Variants in SLC4A4 observed in about 807,000 individuals in gnomAD.
The protein encoded by SLC4A4 is solute carrier family 4 member 4.
SLC4A4 carries 27 observed loss-of-function variants against 111.5 expected under a neutral mutation model. The observed-to-expected ratio is 0.24, with a 90% CI of 0.18 to 0.33. The LOEUF is 0.33. Ranked by LOEUF, SLC4A4 falls within the 10% of genes least tolerant of loss-of-function variation. The probability of loss-of-function intolerance (pLI) is 1.00; values close to 1 mark genes in which losing one functional copy is unlikely to be tolerated. For missense variants in SLC4A4, 909 were observed against 1,315.5 expected (o/e 0.69, Z 4.78); for synonymous variants, 443 against 463.4 (o/e 0.96, Z 0.57).
intron 3 of SLC4A4, among the ~76,000 whole-genome samples, chr4:71,302,063 G>T (rs1272233153): frequency 6.6e-6 from 1 of 152,158 alleles, no homozygotes. Context: ...TGCAAGATAG[G>T]AAGGGCATTG....
At chr4:71,567,702 T>G (rs1737614128) in intron 25 of SLC4A4, 86 bp from the exon 26 acceptor site, 2 of 614,292 alleles carry the variant, frequency 3.3e-6, no homozygotes, top group Admixed American at 3.5e-5. Flanking sequence ...AAGGACACAT[T>G]TGACTTCTAT....
intron 7 of SLC4A4, among the ~76,000 whole-genome samples, chr4:71,402,479 CACTG>C (rs1223511819): frequency 2.0e-5 from 3 of 152,174 alleles, no homozygotes; most frequent in Non-Finnish European, 2.9e-5. Context: ...CTACAGTTCA[CACTG>C]AATGTGGGTG....
At chr4:71,415,763 C>T (rs950974984) in intron 7 of SLC4A4, among the ~76,000 whole-genome samples, 4 of 152,128 alleles carry the variant, frequency 2.6e-5, no homozygotes, top group Non-Finnish European at 5.9e-5. Flanking sequence ...GAGTCTTATA[C>T]ATTCTGCCTT....
intron 2 of SLC4A4, among the ~76,000 whole-genome samples, chr4:71,145,428 C>A (rs186734441): frequency 6.6e-6 from 1 of 152,174 alleles, no homozygotes; most frequent in African/African-American, 2.4e-5. Context: ...TGTGTCTCTG[C>A]CAGGCTTTGG....
At chr4:71,228,880 T>C (rs1274966537) in intron 1 of SLC4A4, among the ~76,000 whole-genome samples, 2 of 152,242 alleles carry the variant, frequency 1.3e-5, no homozygotes, top group Non-Finnish European at 1.5e-5. Context: ...TTGGCACTGA[T>C]ACAATTCACC....
intron 3 of SLC4A4, among the ~76,000 whole-genome samples, chr4:71,308,447 G>C (rs1725864564): frequency 6.6e-6 from 1 of 152,168 alleles, no homozygotes. Context: ...TGGCCAAATA[G>C]GAAGAGCTCC....
At chr4:71,127,494 A>C (rs1025567762) in intron 2 of SLC4A4, among the ~76,000 whole-genome samples, 1 of 152,196 alleles carries the variant, frequency 6.6e-6, no homozygotes, top group African/African-American at 2.4e-5. Context: ...AAAATCAACT[A>C]TTGAATTAAA....
chr4:71,337,638 A>G (rs1461782410), intron 3 of SLC4A4, among the ~76,000 whole-genome samples: 2 of 152,254 alleles, frequency 1.3e-5, no homozygotes, highest in Non-Finnish European at 2.9e-5. Flanking sequence ...CTCACAGGAT[A>G]TATACACTAT....
chr4:71,484,148 A>AT (rs1729148266), intron 14 of SLC4A4, among the ~76,000 whole-genome samples: 1 of 151,294 alleles, frequency 6.6e-6, no homozygotes, highest in Non-Finnish European at 1.5e-5. Flanking sequence ...TTGATAGTTT[A>AT]TTTTGCTGTG....
intron 22 of SLC4A4, 117 bp from the exon 23 acceptor site, chr4:71,559,976 A>G (rs1168937186): frequency 3.8e-6 from 3 of 790,312 alleles, no homozygotes; most frequent in East Asian, 2.5e-5. Context: ...GGTCTGTCAT[A>G]CTCTATCTAG....
intron 1 of SLC4A4, 70 bp downstream of exon 1, chr4:71,187,471 C>G (rs1745524907): frequency 6.6e-6 from 1 of 152,516 alleles, no homozygotes; most frequent in Non-Finnish European, 1.5e-5. Flanking sequence ...GAGGCGGGCG[C>G]GGGCCCGGGG....
chr4:71,212,904 G>A (rs1251602111), intron 1 of SLC4A4, among the ~76,000 whole-genome samples: 1 of 152,194 alleles, frequency 6.6e-6, no homozygotes, highest in Non-Finnish European at 1.5e-5. Context: ...CCACATATAT[G>A]ACAGCAGTCC....
At position 71,469,623 on chromosome 4, in the gene SLC4A4, A is replaced by T. The variant is rs1727687811; in HGVS notation, c.1631+3046A>T. Among the ~76,000 whole-genome samples the T allele has an allele frequency of 2.0e-5, 3 of 152,076 alleles. No individual in the cohort carries two copies. In the South Asian group the frequency reaches 6.2e-4, roughly 32 times the overall value. On this transcript the variant is annotated intron_variant, in intron 13 of 25. Coordinates refer to ENST00000264485, the MANE Select transcript of SLC4A4 (RefSeq NM_001098484.3). ...CTTTTTAAAACTTAATTGCTGTTTA[A>T]ATTTGGCACCAAGGGAATTTATTGG...
chr4:71,332,569 C>G (rs962439191), intron 3 of SLC4A4, among the ~76,000 whole-genome samples: 5 of 151,816 alleles, frequency 3.3e-5, no homozygotes, highest in East Asian at 1.9e-4. Flanking sequence ...CTCAGCCTCC[C>G]GAGTAGCTGG....
chr4:71,400,375 A>G (rs1279452558), intron 7 of SLC4A4, among the ~76,000 whole-genome samples: 2 of 152,172 alleles, frequency 1.3e-5, no homozygotes, highest in Admixed American at 1.3e-4. Context: ...ATGGGAATGG[A>G]GTCTTTAAAA....
In SLC4A4 at chr4:71,161,127, T is replaced by C. The variant is rs1342329719; in HGVS notation, c.-2+68335T>C. ...GACTTTCCCTTAAGAAGATGAGTTA[T>C]GAGTGAGCCCATATCAGATGAGATA... On this transcript the variant is annotated intron_variant, in intron 2 of 26. Coordinates refer to the SLC4A4 transcript ENST00000649996. Among the ~76,000 whole-genome samples the C allele has an allele frequency of 1.2e-4, 18 of 152,284 alleles. No individual in the cohort carries two copies. The South Asian group carries it at 3.5e-3, about 30-fold the overall frequency.
At chr4:71,322,470 C>T (rs1167055192) in intron 3 of SLC4A4, among the ~76,000 whole-genome samples, 4 of 152,014 alleles carry the variant, frequency 2.6e-5, no homozygotes, top group African/African-American at 7.2e-5. Flanking sequence ...TAGCTACTCT[C>T]TATAGCAAAT....
intron 6 of SLC4A4, among the ~76,000 whole-genome samples, chr4:71,372,543 G>C (rs188930597): frequency 4.7e-4 from 72 of 152,310 alleles, no homozygotes; most frequent in African/African-American, 1.7e-3. Flanking sequence ...CTAGCAGCCA[G>C]CATCATCTGA....
chr4:71,400,522 T>A (rs542576631), intron 7 of SLC4A4, among the ~76,000 whole-genome samples: 3 of 152,198 alleles, frequency 2.0e-5, no homozygotes, highest in Non-Finnish European at 4.4e-5. Context: ...TATATAATTA[T>A]AAGACCAACT....
Sources: gnomAD v4.1 joint callset for allele counts (sites outside exome capture counted in the v4.1 genomes callset) on GRCh38, gnomAD v4.1.1 for gene constraint, MANE v1.5 for transcripts, NCBI Gene and HGNC (gene_info 2026-07-23, HGNC 2026-07-21) for gene names.